Variants in SLC4A10 observed in about 807,000 individuals in gnomAD.
SLC4A10 encodes sodium-driven chloride bicarbonate exchanger.
A neutral mutation model predicts 137.7 loss-of-function variants in SLC4A10; 42 were observed. That is an observed-to-expected ratio of 0.30 (90% CI 0.24 to 0.39). SLC4A10 has a LOEUF of 0.39. Among genes scored for constraint, SLC4A10 ranks in the 10% least tolerant of loss-of-function variants. SLC4A10 has a pLI of 1.00. For synonymous variants in SLC4A10, 474 were observed against 464.1 expected (o/e 1.02, Z -0.27); for missense variants, 925 against 1,355.0 (o/e 0.68, Z 4.98).
chr2:161,928,126 T>A (rs1251639576), intron 15 of SLC4A10, among the ~76,000 whole-genome samples: 1 of 150,522 alleles, frequency 6.6e-6, no homozygotes, highest in South Asian at 2.1e-4. Context: ...CCAACCCAAA[T>A]GTCCAACAGT....
At chr2:161,965,011 A>AT (rs756528978) in intron 22 of SLC4A10, 40 bp from the exon 23 acceptor site, 19 of 1,575,576 alleles carry the variant, frequency 1.2e-5, no homozygotes, top group South Asian at 7.0e-5. Flanking sequence ...TCTCGTTTTA[A>AT]TTTTTTTTCC....
At chr2:161,880,916 G>A (rs897136778) in intron 9 of SLC4A10, among the ~76,000 whole-genome samples, 5 of 152,052 alleles carry the variant, frequency 3.3e-5, no homozygotes, top group Non-Finnish European at 5.9e-5. Context: ...GAAAAAAGCC[G>A]TGATGGGGTT....
intron 3 of SLC4A10, among the ~76,000 whole-genome samples, chr2:161,817,842 TCTGTTTTGGTACCAGTACCATG>T: frequency 1.3e-5 from 2 of 152,044 alleles, no homozygotes; most frequent in Admixed American, 1.3e-4. Context: ...GATCTATATC[TCTGTTTTGGTACCAGTACCATG>T]CTGTTTTGGT....
chr2:161,750,818 T>C (rs190894672), intron 1 of SLC4A10, among the ~76,000 whole-genome samples: 30 of 151,878 alleles, frequency 2.0e-4, no homozygotes, highest in African/African-American at 6.7e-4. Flanking sequence ...GGTGTTGAAG[T>C]TCCATACTAT....
chr2:161,858,396 G>T (rs747715449), intron 5 of SLC4A10, among the ~76,000 whole-genome samples: 2 of 152,072 alleles, frequency 1.3e-5, no homozygotes, highest in African/African-American at 4.8e-5. Context: ...TTTGTATCTG[G>T]CAGATCTGTC....
At chr2:161,698,400 T>A (rs866172321) in intron 1 of SLC4A10, among the ~76,000 whole-genome samples, 2 of 152,210 alleles carry the variant, frequency 1.3e-5, no homozygotes, top group African/African-American at 4.8e-5. Flanking sequence ...TCAAAGGGAA[T>A]GCTTCCAGTT....
At chr2:161,725,578 A>T (rs1393292101) in intron 1 of SLC4A10, among the ~76,000 whole-genome samples, 1 of 152,228 alleles carries the variant, frequency 6.6e-6, no homozygotes, top group Non-Finnish European at 1.5e-5. Context: ...TAGCTCTCCT[A>T]TTGGCTTGCC....
At chr2:161,653,062 T>G (rs1329506629) in intron 1 of SLC4A10, among the ~76,000 whole-genome samples, 2 of 152,136 alleles carry the variant, frequency 1.3e-5, no homozygotes, top group Admixed American at 1.3e-4. Flanking sequence ...CCATGTTTTC[T>G]CATTGTTCAA....
intron 23 of SLC4A10, among the ~76,000 whole-genome samples, chr2:161,966,705 C>T (rs917033384): frequency 6.0e-5 from 9 of 150,128 alleles, no homozygotes; most frequent in African/African-American, 2.2e-4. Context: ...CCACTGCACT[C>T]CAGCCTGGTG....
intron 1 of SLC4A10, among the ~76,000 whole-genome samples, chr2:161,733,583 A>T (rs2047027038): frequency 6.6e-6 from 1 of 152,192 alleles, no homozygotes; most frequent in Admixed American, 6.5e-5. Flanking sequence ...GTGGGGTTGG[A>T]GCCCCCACCC....
intron 1 of SLC4A10, among the ~76,000 whole-genome samples, chr2:161,696,823 C>A (rs2042563790): frequency 6.6e-6 from 1 of 152,062 alleles, no homozygotes; most frequent in Non-Finnish European, 1.5e-5. Flanking sequence ...ATATACCCAG[C>A]AATCCCATTG....
At chr2:161,667,820 G>A (rs148173429) in intron 1 of SLC4A10, among the ~76,000 whole-genome samples, 3 of 151,586 alleles carry the variant, frequency 2.0e-5, no homozygotes, top group African/African-American at 7.2e-5. Context: ...CATATTTTGA[G>A]GTTGTATCTA....
chr2:161,958,666 C>T, intron 21 of SLC4A10, 111 bp downstream of exon 21: 1 of 655,250 alleles, frequency 1.5e-6, no homozygotes, highest in Non-Finnish European at 2.5e-6. Context: ...AGCTTTTAGA[C>T]CACAATTAAA....
intron 24 of SLC4A10, among the ~76,000 whole-genome samples, chr2:161,976,178 G>C (rs6743752): frequency 0.011 from 1,622 of 152,144 alleles, 25 homozygotes; most frequent in African/African-American, 0.036. Flanking sequence ...TTCAATAATT[G>C]AGAGAAATAT....
At chr2:161,772,769 G>A (rs1291650282) in intron 2 of SLC4A10, among the ~76,000 whole-genome samples, 3 of 151,924 alleles carry the variant, frequency 2.0e-5, no homozygotes, top group South Asian at 4.1e-4. Context: ...TTATATTGAC[G>A]TTCTAATATT....
chr2:161,897,681 T>G (rs2063659024), intron 11 of SLC4A10, among the ~76,000 whole-genome samples: 1 of 152,134 alleles, frequency 6.6e-6, no homozygotes, highest in African/African-American at 2.4e-5. Context: ...TCAGTTGATC[T>G]ACTATTAAAA....
chr2:161,665,117 C>T (rs1461197794), intron 1 of SLC4A10, among the ~76,000 whole-genome samples: 2 of 151,614 alleles, frequency 1.3e-5, no homozygotes, highest in African/African-American at 4.8e-5. Flanking sequence ...GGGTTCAATC[C>T]AAAAATAGTA....
chr2:161,830,473 G>GT (rs576737925), intron 3 of SLC4A10, among the ~76,000 whole-genome samples: 1,574 of 143,650 alleles, frequency 0.011, 12 homozygotes, highest in Middle Eastern at 0.047. Flanking sequence ...TAGTTGTGAG[G>GT]TTTTTTTTTT....
chr2:161,628,708 C>G (rs1344587695), intron 1 of SLC4A10, among the ~76,000 whole-genome samples: 1 of 151,944 alleles, frequency 6.6e-6, no homozygotes, highest in South Asian at 2.1e-4. Context: ...AATTAATCCC[C>G]GTTTCTACTT....
Sources: allele counts gnomAD v4.1 joint callset (sites outside exome capture counted in the v4.1 genomes callset), GRCh38; gene constraint gnomAD v4.1.1; transcripts MANE v1.5; gene names NCBI Gene and HGNC (gene_info 2026-07-23, HGNC 2026-07-21).